Variants in CDK5RAP2 observed in about 807,000 individuals in gnomAD.
The protein encoded by CDK5RAP2 is CDK5 regulatory subunit associated protein 2, also known as CDK5 regulatory subunit-associated protein 2.
In CDK5RAP2, 147 loss-of-function variants were observed where a neutral mutation model predicts 232.9. That is an observed-to-expected ratio of 0.63 (90% confidence interval 0.55 to 0.72). CDK5RAP2 has a LOEUF of 0.72. CDK5RAP2 is among the 30% of genes least tolerant of loss of function. CDK5RAP2 has a pLI of 0.00. For synonymous variants in CDK5RAP2, 833 were observed against 833.7 expected (o/e 1.00, Z 0.01); for missense variants, 2,195 against 2,231.5 (o/e 0.98, Z 0.33).
chr9:120,470,719 T>C (rs531168992), intron 16 of CDK5RAP2, among the ~76,000 whole-genome samples: 119 of 150,022 alleles, frequency 7.9e-4, no homozygotes, highest in African/African-American at 2.9e-3. Context: ...TGCCTGCTAG[T>C]GCTAAGCTAG....
intron 5 of CDK5RAP2, among the ~76,000 whole-genome samples, chr9:120,542,184 G>C (rs1309359016): frequency 1.3e-5 from 2 of 152,204 alleles, no homozygotes; most frequent in African/African-American, 4.8e-5. Flanking sequence ...CAGACATACT[G>C]CTGGGTGCTA....
At chr9:120,577,849 G>A (rs1476787219) in intron 1 of CDK5RAP2, among the ~76,000 whole-genome samples, 2 of 152,166 alleles carry the variant, frequency 1.3e-5, no homozygotes, top group African/African-American at 2.4e-5. Flanking sequence ...AAACCCAAGT[G>A]TCTGGCCAAA....
chr9:120,529,815 G>A (rs1158482456), intron 8 of CDK5RAP2, among the ~76,000 whole-genome samples, 163 bp downstream of exon 8: 6 of 152,206 alleles, frequency 3.9e-5, no homozygotes, highest in Non-Finnish European at 5.9e-5. Flanking sequence ...AAGAATGCCA[G>A]GGCCCCTGAC....
chr9:120,449,437 C>A (rs961467792), intron 21 of CDK5RAP2, among the ~76,000 whole-genome samples: 18 of 152,200 alleles, frequency 1.2e-4, no homozygotes, highest in African/African-American at 3.9e-4. Context: ...TCTGCACCAA[C>A]CTGTAAGCTC....
chr9:120,553,592 A>C (rs1286271158), intron 3 of CDK5RAP2, among the ~76,000 whole-genome samples: 1 of 152,190 alleles, frequency 6.6e-6, no homozygotes. Flanking sequence ...GGAAAAGTGC[A>C]TAGTGCTTGG....
At chr9:120,444,977 T>G (rs989779779) in intron 22 of CDK5RAP2, among the ~76,000 whole-genome samples, 18 of 152,210 alleles carry the variant, frequency 1.2e-4, no homozygotes, top group African/African-American at 3.9e-4. Flanking sequence ...TACCACAGTA[T>G]GTCCAAGACT....
At chr9:120,394,010 C>G (rs1396233493) in intron 36 of CDK5RAP2, among the ~76,000 whole-genome samples, 1 of 152,198 alleles carries the variant, frequency 6.6e-6, no homozygotes, top group African/African-American at 2.4e-5. Context: ...ATCCCTCCCA[C>G]CTTAATTCAC....
chr9:120,521,712 C>T (rs2040670277), intron 11 of CDK5RAP2, among the ~76,000 whole-genome samples: 1 of 142,126 alleles, frequency 7.0e-6, no homozygotes, highest in South Asian at 2.2e-4. Context: ...GTGGCGCGAT[C>T]TCGGCTCACT....
chr9:120,555,880 C>T (rs2042209939), intron 3 of CDK5RAP2, among the ~76,000 whole-genome samples: 1 of 152,170 alleles, frequency 6.6e-6, no homozygotes, highest in African/African-American at 2.4e-5. Context: ...CTATGAAACA[C>T]ACAACGTAAA....
intron 25 of CDK5RAP2, among the ~76,000 whole-genome samples, chr9:120,433,256 C>A (rs1352721684): frequency 6.6e-6 from 1 of 152,176 alleles, no homozygotes; most frequent in African/African-American, 2.4e-5. Context: ...TCAGTTGTGA[C>A]TTTGAACAAC....
intron 23 of CDK5RAP2, among the ~76,000 whole-genome samples, chr9:120,441,542 G>C (rs117542117): frequency 6.6e-6 from 1 of 152,186 alleles, no homozygotes; most frequent in Non-Finnish European, 1.5e-5. Flanking sequence ...GCGTGCGTGC[G>C]AAGGCCAGCC....
rs531556652 is a variant in CDK5RAP2 at position 120,403,966 on chromosome 9, T to G, written c.5041+70A>C. 2.8e-6 allele frequency: 3 copies of G among 1,087,000 alleles called. No individual in the cohort carries two copies. Among genetic ancestry groups the G allele is most frequent in the African/African-American group, 3.1e-5 (2 of 64,614 alleles). 67.3% of individuals were successfully genotyped at this position (1,087,000 alleles called of 1,614,324 possible). On this transcript the variant is annotated intron_variant, in intron 33 of 37. Coordinates refer to ENST00000349780, the MANE Select transcript of CDK5RAP2 (RefSeq NM_018249.6). The surrounding 1 kb of genome is among the most constrained non-coding windows in gnomAD (Gnocchi z 4.2). ...CTGAGTTGGGACCAGGGACCCCCCTTTTCTGCAAGTTAAAAAGTCTTACTG... is the reference window on the plus strand; with the variant it reads ...CTGAGTTGGGACCAGGGACCCCCCTGTTCTGCAAGTTAAAAAGTCTTACTG...
chr9:120,575,024 C>A (rs1332503782), intron 1 of CDK5RAP2, among the ~76,000 whole-genome samples: 1 of 151,980 alleles, frequency 6.6e-6, no homozygotes, highest in East Asian at 1.9e-4. Context: ...CATCACTCAG[C>A]ACAGGGCACA....
intron 6 of CDK5RAP2, among the ~76,000 whole-genome samples, chr9:120,537,655 T>C (rs1380862350): frequency 6.7e-6 from 1 of 150,064 alleles, no homozygotes; most frequent in Non-Finnish European, 1.5e-5. Context: ...CCTGAGCAAG[T>C]GACTTAGCCA....
intron 27 of CDK5RAP2, among the ~76,000 whole-genome samples, chr9:120,416,501 T>C (rs2034229304): frequency 6.6e-6 from 1 of 152,256 alleles, no homozygotes; most frequent in African/African-American, 2.4e-5. Context: ...GAAGGAAATA[T>C]ATCTAAATAT....
intron 12 of CDK5RAP2, among the ~76,000 whole-genome samples, chr9:120,506,249 G>A (rs1035167850): frequency 2.6e-5 from 4 of 152,210 alleles, no homozygotes; most frequent in African/African-American, 7.2e-5. Context: ...CTAAATGACA[G>A]CACATCTGTT....
chr9:120,392,933 C>T (rs998332475), intron 36 of CDK5RAP2, among the ~76,000 whole-genome samples: 7 of 152,222 alleles, frequency 4.6e-5, no homozygotes, highest in African/African-American at 1.7e-4. Flanking sequence ...GCATGGACCC[C>T]GCCGGTCCCT....
intron 18 of CDK5RAP2, among the ~76,000 whole-genome samples, chr9:120,461,838 G>A (rs2037107810): frequency 6.6e-6 from 1 of 152,204 alleles, no homozygotes; most frequent in Admixed American, 6.5e-5. Context: ...GTAAGACCCT[G>A]TCTCGAAAGC....
chr9:120,491,561 A>G (rs1052022380), intron 12 of CDK5RAP2, 84 bp from the exon 13 acceptor site: 3 of 882,762 alleles, frequency 3.4e-6, no homozygotes, highest in Non-Finnish European at 5.5e-6. Context: ...TTACTGCTAC[A>G]AGAGAGCAAG....
Sources: gnomAD v4.1 joint callset for allele counts (sites outside exome capture counted in the v4.1 genomes callset) on GRCh38, gnomAD v4.1.1 for gene constraint, Gnocchi (gnomAD v3.1) non-coding constraint, MANE v1.5 for transcripts, NCBI Gene and HGNC (gene_info 2026-07-23, HGNC 2026-07-21) for gene names.